ZNF385D: variants seen among roughly 807,000 people sequenced by gnomAD.
ZNF385D encodes the protein zinc finger protein 659.
In ZNF385D, 15 loss-of-function variants were observed where a neutral mutation model predicts 35.8. The ratio of observed to expected loss-of-function variants is 0.42; its 90% CI spans 0.28 to 0.64. The LOEUF is 0.64. ZNF385D is among the 30% of genes least tolerant of loss of function. ZNF385D has a pLI of 0.23. For missense variants in ZNF385D, 474 were observed against 494.6 expected (o/e 0.96, Z 0.39); for synonymous variants, 212 against 186.8 (o/e 1.13, Z -1.10).
At chr3:21,922,023 A>G (rs1454565574) in intron 3 of ZNF385D, among the ~76,000 whole-genome samples, 1 of 152,070 alleles carries the variant, frequency 6.6e-6, no homozygotes, top group African/African-American at 2.4e-5. Context: ...TGATAACAAA[A>G]CCTGCCAAAG....
At chr3:21,751,982 A>G, upstream of ZNF385D, among the ~76,000 whole-genome samples, 1 of 149,224 alleles carries the variant, frequency 6.7e-6, no homozygotes, top group East Asian at 2.1e-4. Flanking sequence ...TCACCAATAT[A>G]ATATAGCCAC....
chr3:22,162,403 C>T (rs1214673019), intron 3 of ZNF385D, among the ~76,000 whole-genome samples: 3 of 151,880 alleles, frequency 2.0e-5, no homozygotes, highest in East Asian at 3.9e-4. Context: ...TCTCTGAAGC[C>T]CCCCTTATCT....
rs1180721739 is a variant in ZNF385D, at chr3:22,021,393, AG to A, written c.325+147423del. 3.3e-5 allele frequency among the ~76,000 whole-genome samples: 5 copies of A among 152,180 alleles called. No individual in the cohort carries two copies. The East Asian group carries it at 9.7e-4, about 29-fold the overall frequency. ...CAACACAAATAGGCTTTCAGGCATT[AG>A]AAGGATAGAAACAAAGAATAGTGAC... On this transcript the variant is annotated intron_variant, in intron 3 of 5. Coordinates refer to the ZNF385D transcript ENST00000494108.
At chr3:22,301,494 A>C (rs1223784096) in intron 2 of ZNF385D, among the ~76,000 whole-genome samples, 1 of 152,096 alleles carries the variant, frequency 6.6e-6, no homozygotes, top group African/African-American at 2.4e-5. Flanking sequence ...GTCATTCCCT[A>C]ATGTATATAT....
At chr3:21,755,621 C>T (rs766244380), upstream of ZNF385D, among the ~76,000 whole-genome samples, 1 of 152,184 alleles carries the variant, frequency 6.6e-6, no homozygotes, top group Non-Finnish European at 1.5e-5. Flanking sequence ...ACATAGCACA[C>T]TGTACTAATT....
intron 3 of ZNF385D, among the ~76,000 whole-genome samples, chr3:22,010,570 A>T (rs1696509321): frequency 6.6e-6 from 1 of 152,198 alleles, no homozygotes; most frequent in Non-Finnish European, 1.5e-5. Context: ...CACAGTTGAG[A>T]TAACTACATT....
intron 3 of ZNF385D, among the ~76,000 whole-genome samples, chr3:21,776,463 G>T (rs540091817): frequency 6.6e-6 from 1 of 151,922 alleles, no homozygotes. Context: ...CGACGTATGT[G>T]TGTGTTAAAT....
chr3:21,926,455 G>A (rs1306175101), intron 3 of ZNF385D, among the ~76,000 whole-genome samples: 2 of 152,052 alleles, frequency 1.3e-5, no homozygotes, highest in African/African-American at 4.8e-5. Context: ...CCCTGCAAAG[G>A]ACACGAACTC....
rs1315557297 is a variant in ZNF385D at position 22,118,864 on chromosome 3, T to A, written c.325+49953A>T. Among the ~76,000 whole-genome samples, 3 of 152,300 alleles carry A rather than the reference T, an allele frequency of 2.0e-5. No individual in the cohort carries two copies. The East Asian group carries it at 5.8e-4, about 29-fold the overall frequency. On this transcript the variant is annotated intron_variant, in intron 3 of 5. Transcript: ENST00000494108. ...CATACAAATTTGAGCATTTCACATG[T>A]ACTTTCCATTACTGCTTTGTAGATA...
At chr3:21,611,471 G>A (rs974462123) in intron 2 of ZNF385D, among the ~76,000 whole-genome samples, 1 of 152,180 alleles carries the variant, frequency 6.6e-6, no homozygotes, top group Non-Finnish European at 1.5e-5. Context: ...TGAGACTTTA[G>A]TAACCACATG....
At chr3:22,175,907 A>G (rs1018490083) in intron 2 of ZNF385D, among the ~76,000 whole-genome samples, 4 of 148,582 alleles carry the variant, frequency 2.7e-5, no homozygotes, top group African/African-American at 4.9e-5. Flanking sequence ...AAAACATTAA[A>G]TATATATTAT....
chr3:21,574,416 T>C (rs1170384834), intron 2 of ZNF385D, among the ~76,000 whole-genome samples: 1 of 152,132 alleles, frequency 6.6e-6, no homozygotes, highest in African/African-American at 2.4e-5. Flanking sequence ...TAAAGATACC[T>C]CAGAGACATA....
At chr3:22,339,180 C>A (rs1231568396) in intron 2 of ZNF385D, among the ~76,000 whole-genome samples, 1 of 152,070 alleles carries the variant, frequency 6.6e-6, no homozygotes, top group Non-Finnish European at 1.5e-5. Flanking sequence ...CTAGTTTTGT[C>A]ACAACTTAAA....
intron 3 of ZNF385D, among the ~76,000 whole-genome samples, chr3:21,896,134 G>T (rs1424590278): frequency 6.6e-6 from 1 of 152,128 alleles, no homozygotes; most frequent in Non-Finnish European, 1.5e-5. Flanking sequence ...GACAGTAAGA[G>T]AGATGTTGTG....
chr3:22,150,936 G>T (rs1446337869), intron 3 of ZNF385D, among the ~76,000 whole-genome samples: 5 of 152,074 alleles, frequency 3.3e-5, no homozygotes, highest in Non-Finnish European at 7.4e-5. Context: ...AATCATTCTG[G>T]GAGTGTTGAA....
intron 3 of ZNF385D, among the ~76,000 whole-genome samples, chr3:22,037,757 G>GAC (rs1319060018): frequency 2.2e-4 from 33 of 152,100 alleles, no homozygotes; most frequent in Middle Eastern, 6.9e-3. Flanking sequence ...CATTGCTTTT[G>GAC]GTGTTTTAGA....
chr3:21,936,428 C>A (rs1303051362), intron 3 of ZNF385D, among the ~76,000 whole-genome samples: 2 of 151,338 alleles, frequency 1.3e-5, no homozygotes, highest in Non-Finnish European at 2.9e-5. Context: ...TTGTTCTGTG[C>A]AAAGCAGCTT....
intron 3 of ZNF385D, among the ~76,000 whole-genome samples, chr3:22,088,424 T>TTGG (rs1701155773): frequency 6.6e-6 from 1 of 152,152 alleles, no homozygotes; most frequent in African/African-American, 2.4e-5. Flanking sequence ...CTAGGACACT[T>TTGG]TGAGATCTGG....
In ZNF385D at chr3:22,169,738, A is replaced by G. The variant is rs116561636; in HGVS notation, c.107-703T>C. On this transcript the variant is annotated intron_variant, in intron 2 of 5. Coordinates refer to the ZNF385D transcript ENST00000494108. The stretch of plus-strand genomic sequence containing the variant: ...TTCTGGATAAATGTACGCTTTGTAT[A>G]CTAAAACCAAAGAGAAAAGGTCAAC... 1.9e-3 allele frequency among the ~76,000 whole-genome samples: 286 copies of G among 152,338 alleles called. 1 individual carries two copies. Among genetic ancestry groups the G allele is most frequent in the Middle Eastern group, 6.8e-3 (2 of 294 alleles).
Sources: gnomAD v4.1 joint callset for allele counts (sites outside exome capture counted in the v4.1 genomes callset) on GRCh38, gnomAD v4.1.1 for gene constraint, MANE v1.5 for transcripts, NCBI Gene and HGNC (gene_info 2026-07-23, HGNC 2026-07-21) for gene names.